ADAM18: variants seen among roughly 807,000 people sequenced by gnomAD.
ADAM18 encodes disintegrin and metalloproteinase domain-containing protein 18.
Under a neutral mutation model 94.4 loss-of-function variants are expected in ADAM18, and 117 were observed. The ratio of observed to expected loss-of-function variants is 1.24; its 90% CI spans 1.07 to 1.45. The LOEUF (loss-of-function observed/expected upper bound fraction) is 1.45. Among genes scored for constraint, ADAM18 ranks in the 40% most tolerant of loss-of-function variants. The pLI, the probability that ADAM18 is intolerant of heterozygous loss-of-function variation, is 0.00. For missense variants in ADAM18, 936 were observed against 880.0 expected (o/e 1.06, Z -0.81); for synonymous variants, 327 against 291.6 (o/e 1.12, Z -1.24).
chr8:39,617,346 A>G (rs1178692979), intron 6 of ADAM18, among the ~76,000 whole-genome samples: 1 of 152,166 alleles, frequency 6.6e-6, no homozygotes, highest in East Asian at 1.9e-4. Flanking sequence ...AAAGTTACAG[A>G]TACTCACGAG....
At chr8:39,724,308 C>A (rs1456574999) in intron 19 of ADAM18, among the ~76,000 whole-genome samples, 3 of 151,726 alleles carry the variant, frequency 2.0e-5, no homozygotes, top group African/African-American at 7.2e-5. Context: ...CTTGTGAATT[C>A]AAAAATATGT....
At chr8:39,667,926 A>T in intron 13 of ADAM18, 72 bp from the exon 14 acceptor site, 2 of 1,444,580 alleles carry the variant, frequency 1.4e-6, no homozygotes, top group Non-Finnish European at 1.9e-6. Context: ...ATTTTATGTG[A>T]TAAATCTTTT....
At chr8:39,642,306 T>C (rs1339705334) in intron 10 of ADAM18, among the ~76,000 whole-genome samples, 2 of 152,120 alleles carry the variant, frequency 1.3e-5, no homozygotes, top group Non-Finnish European at 2.9e-5. Flanking sequence ...GCAATTGCTG[T>C]GGCATCTTCA....
chr8:39,700,980 T>C (rs1822053832), intron 17 of ADAM18, among the ~76,000 whole-genome samples: 1 of 149,206 alleles, frequency 6.7e-6, no homozygotes, highest in Non-Finnish European at 1.5e-5. Flanking sequence ...TAGCCGGGCG[T>C]AGTGGCGGGC....
At position 39,629,401 on chromosome 8, in the gene ADAM18, C is replaced by A. The variant is rs1221621395; in HGVS notation, c.550C>A (p.Gln184Lys). ...QIKNLSKLLP[Q>K]YLEIYIIVEK... is the part of the protein sequence containing the mutation. ...AAAAAATCTTTCAAAACTATTACCC[C>A]AATATCTGGAAATATACATTATAGT... is the stretch of plus-strand genomic sequence containing the variant. Residue 184 changes from glutamine (Q) to lysine (K), a missense_variant, in exon 7 of 20, where the codon CAA (glutamine) becomes AAA (lysine). Coordinates refer to ENST00000265707, the MANE Select transcript of ADAM18 (RefSeq NM_014237.3). The A allele has an allele frequency of 6.3e-7, 1 of 1,584,474 alleles. No homozygotes were observed. The highest frequency in any genetic ancestry group is 1.4e-5 in the African/African-American group (1 of 73,090).
intron 18 of ADAM18, among the ~76,000 whole-genome samples, chr8:39,718,626 T>A (rs892540667): frequency 6.6e-6 from 1 of 151,400 alleles, no homozygotes; most frequent in Non-Finnish European, 1.5e-5. Flanking sequence ...GATCTAGAGA[T>A]CTGCTGTACA....
intron 10 of ADAM18, among the ~76,000 whole-genome samples, chr8:39,644,335 C>A (rs1820318405): frequency 6.6e-6 from 1 of 152,106 alleles, no homozygotes; most frequent in African/African-American, 2.4e-5. Context: ...CTCTGTAGCC[C>A]AGGCTGGAGT....
intron 2 of ADAM18, among the ~76,000 whole-genome samples, chr8:39,590,602 TAAA>T (rs1010722544): frequency 6.6e-6 from 1 of 151,934 alleles, no homozygotes; most frequent in African/African-American, 2.4e-5. Flanking sequence ...TAAAATAAAA[TAAA>T]AAAAATAAAA....
chr8:39,593,189 T>C (rs1326249062), intron 2 of ADAM18, among the ~76,000 whole-genome samples: 1 of 152,202 alleles, frequency 6.6e-6, no homozygotes, highest in Non-Finnish European at 1.5e-5. Context: ...CTTAAGGGAA[T>C]GTTACGGCTG....
intron 6 of ADAM18, among the ~76,000 whole-genome samples, chr8:39,623,824 C>T (rs1819688212): frequency 6.6e-6 from 1 of 151,060 alleles, no homozygotes; most frequent in Non-Finnish European, 1.5e-5. Context: ...TGTTGATCTC[C>T]TGACCTCGTG....
intron 18 of ADAM18, among the ~76,000 whole-genome samples, chr8:39,710,006 G>C (rs1450460809): frequency 6.6e-6 from 1 of 152,212 alleles, no homozygotes; most frequent in African/African-American, 2.4e-5. Flanking sequence ...CTGCGTGTTT[G>C]ATGCTGGTGT....
intron 2 of ADAM18, among the ~76,000 whole-genome samples, chr8:39,594,543 C>A (rs1335895247): frequency 6.6e-6 from 1 of 151,814 alleles, no homozygotes; most frequent in Non-Finnish European, 1.5e-5. Flanking sequence ...CTGAGAATGT[C>A]TTGATTATCT....
intron 6 of ADAM18, among the ~76,000 whole-genome samples, chr8:39,626,994 T>C (rs1407386792): frequency 6.6e-6 from 1 of 152,160 alleles, no homozygotes; most frequent in Non-Finnish European, 1.5e-5. Flanking sequence ...CAGGGGAGCG[T>C]TGAAGTCATC....
At chr8:39,726,420 C>A (rs1386991542) in intron 19 of ADAM18, among the ~76,000 whole-genome samples, 1 of 152,036 alleles carries the variant, frequency 6.6e-6, no homozygotes, top group Non-Finnish European at 1.5e-5. Flanking sequence ...AGCCATGGTG[C>A]CTGGCCACCC....
At chr8:39,705,051 G>A (rs1195630804) in intron 17 of ADAM18, among the ~76,000 whole-genome samples, 1 of 152,046 alleles carries the variant, frequency 6.6e-6, no homozygotes, top group Non-Finnish European at 1.5e-5. Flanking sequence ...TGACACTTTT[G>A]TTGTTTAAGA....
At chr8:39,630,421 A>G (rs1585917001) in intron 7 of ADAM18, among the ~76,000 whole-genome samples, 1 of 151,506 alleles carries the variant, frequency 6.6e-6, no homozygotes, top group African/African-American at 2.4e-5. Flanking sequence ...ACAAAGTAAC[A>G]GGATAGAATT....
intron 6 of ADAM18, among the ~76,000 whole-genome samples, chr8:39,618,734 G>A (rs116590490): frequency 0.012 from 1,795 of 152,266 alleles, 44 homozygotes; most frequent in African/African-American, 0.042. Context: ...TGCCCCCCAT[G>A]TGTCCGTTTA....
chr8:39,598,789 A>C lies in ADAM18; in HGVS notation c.133-7518A>C, dbSNP rs572586669. 1.6e-4 allele frequency among the ~76,000 whole-genome samples: 24 copies of C among 152,026 alleles called. No homozygotes were observed. In the East Asian group the frequency reaches 3.7e-3, roughly 23 times the overall value. On this transcript the variant is annotated intron_variant, in intron 2 of 19. Coordinates refer to ENST00000265707, the MANE Select transcript of ADAM18 (RefSeq NM_014237.3). ...TCTCAAAAAAAAAAAAAAACAACAA[A>C]AAAAAGAAAAGGGTGTTGGATTTTT...
chr8:39,616,716 C>T (rs1487586613), intron 6 of ADAM18, among the ~76,000 whole-genome samples: 2 of 152,134 alleles, frequency 1.3e-5, no homozygotes, highest in Admixed American at 1.3e-4. Flanking sequence ...TAAAGCTGCA[C>T]ATCTACAACC....
Sources: gnomAD v4.1 joint callset for allele counts (sites outside exome capture counted in the v4.1 genomes callset) on GRCh38, gnomAD v4.1.1 for gene constraint, MANE v1.5 for transcripts, NCBI Gene and HGNC (gene_info 2026-07-23, HGNC 2026-07-21) for gene names.